The following OSBPL10 variants were observed in gnomAD, a reference collection of about 807,000 sequenced individuals.
OSBPL10 encodes oxysterol binding protein like 10, also known as oxysterol-binding protein-related protein 10.
A neutral mutation model predicts 81.7 loss-of-function variants in OSBPL10; 49 were observed. That is an observed-to-expected ratio of 0.60 (90% confidence interval 0.48 to 0.76). The LOEUF (loss-of-function observed/expected upper bound fraction) is 0.76. OSBPL10 is among the 30% of genes least tolerant of loss of function. The pLI, the probability that OSBPL10 is intolerant of heterozygous loss-of-function variation, is 0.00. For missense variants in OSBPL10, 923 were observed against 987.8 expected (o/e 0.93, Z 0.88); for synonymous variants, 419 against 383.6 (o/e 1.09, Z -1.08).
chr3:31,997,284 G>T (rs1240689421), intron 2 of OSBPL10, among the ~76,000 whole-genome samples: 8 of 151,062 alleles, frequency 5.3e-5, no homozygotes, highest in African/African-American at 1.9e-4. Context: ...TTTCAAGATG[G>T]AGTCTCGCCC....
intron 4 of OSBPL10, among the ~76,000 whole-genome samples, chr3:31,749,187 A>G (rs1697633367): frequency 6.6e-6 from 1 of 152,218 alleles, no homozygotes; most frequent in African/African-American, 2.4e-5. Context: ...CCATGATGTC[A>G]CCAGTGGGAA....
At chr3:31,772,427 CAA>C (rs1698408943) in intron 4 of OSBPL10, among the ~76,000 whole-genome samples, 1 of 152,192 alleles carries the variant, frequency 6.6e-6, no homozygotes, top group African/African-American at 2.4e-5. Context: ...GTGTTTCTCA[CAA>C]AGACTATAAT....
chr3:31,812,922 G>T (rs1464818250), intron 4 of OSBPL10, among the ~76,000 whole-genome samples: 1 of 151,976 alleles, frequency 6.6e-6, no homozygotes, highest in Non-Finnish European at 1.5e-5. Flanking sequence ...AATGATGTAG[G>T]TTCTATTTTT....
chr3:31,806,565 G>C (rs1412533317), intron 4 of OSBPL10, among the ~76,000 whole-genome samples: 1 of 152,220 alleles, frequency 6.6e-6, no homozygotes, highest in Non-Finnish European at 1.5e-5. Context: ...AGCAGAGCAA[G>C]TACCTGCTCC....
chr3:31,891,846 T>C (rs1695902423), intron 1 of OSBPL10, among the ~76,000 whole-genome samples: 1 of 152,186 alleles, frequency 6.6e-6, no homozygotes, highest in African/African-American at 2.4e-5. Flanking sequence ...CAACAATGTT[T>C]TGAAGAGGGT....
At chr3:31,802,114 C>T (rs1342205600) in intron 4 of OSBPL10, among the ~76,000 whole-genome samples, 1 of 151,524 alleles carries the variant, frequency 6.6e-6, no homozygotes, top group Non-Finnish European at 1.5e-5. Context: ...CGAGCCACTG[C>T]ACCCAGTCCG....
rs1696331199 is a variant in OSBPL10 at position 31,713,412 on chromosome 3, T to G, written c.1096-10904A>C. On this transcript the variant is annotated intron_variant, in intron 6 of 11. Transcript: ENST00000396556. ...TTTATTTTATTTATTTATATTTTAT[T>G]TTGTGACAGAGTCTCACTCTGTTGC... Among the ~76,000 whole-genome samples, 3 of 152,156 alleles carry G rather than the reference T, an allele frequency of 2.0e-5. No homozygotes were observed. In the South Asian group the frequency reaches 6.2e-4, roughly 32 times the overall value.
rs765814313 is a variant in OSBPL10 at position 31,830,190 on chromosome 3, TG to T, written c.578del (p.Pro193HisfsTer52). On this transcript the variant is annotated frameshift_variant, in exon 4 of 12. Coordinates refer to ENST00000396556, the MANE Select transcript of OSBPL10 (RefSeq NM_017784.5). LOFTEE classifies it high-confidence loss of function. Reference sequence around the variant, plus strand: ...GAGACGCAGAATTGGGTGTTCCATGTGGGAGCAAAGTGAGACTTCGGCTTCG... The same window carrying T: ...GAGACGCAGAATTGGGTGTTCCATGTGGAGCAAAGTGAGACTTCGGCTTCG... ...SSRSRSLTLL[P>X]HGTPNSASPC... 6.2e-7 allele frequency: 1 copy of T among 1,614,130 alleles called. No homozygotes were observed. Among genetic ancestry groups the T allele is most frequent in the South Asian group, 1.1e-5 (1 of 91,066 alleles).
intron 1 of OSBPL10, among the ~76,000 whole-genome samples, chr3:31,948,130 G>A (rs1485378380): frequency 6.6e-6 from 1 of 152,200 alleles, no homozygotes; most frequent in Non-Finnish European, 1.5e-5. Flanking sequence ...TGAAGTATTA[G>A]CAGCTAACTC....
At chr3:32,014,056 A>T (rs1312618879) in intron 2 of OSBPL10, among the ~76,000 whole-genome samples, 2 of 152,212 alleles carry the variant, frequency 1.3e-5, no homozygotes, top group African/African-American at 4.8e-5. Context: ...AACTATTCCA[A>T]TCAATAGAAA....
intron 4 of OSBPL10, among the ~76,000 whole-genome samples, chr3:31,772,657 G>C (rs981158045): frequency 6.6e-6 from 1 of 152,162 alleles, no homozygotes; most frequent in African/African-American, 2.4e-5. Flanking sequence ...TCCGCATGAA[G>C]CTGAAACAAG....
intron 6 of OSBPL10, among the ~76,000 whole-genome samples, chr3:31,725,184 G>C (rs1342327968): frequency 6.6e-6 from 1 of 152,200 alleles, no homozygotes; most frequent in African/African-American, 2.4e-5. Context: ...TATATAATAA[G>C]AGCTCAATAT....
At chr3:32,024,238 CA>C (rs201269238) in intron 2 of OSBPL10, among the ~76,000 whole-genome samples, 3,795 of 152,092 alleles carry the variant, frequency 0.025, 164 homozygotes, top group African/African-American at 0.087. Flanking sequence ...TCAATTGCTA[CA>C]AAAAAATAGC....
intron 2 of OSBPL10, chr3:31,989,388 GA>G: frequency 1.9e-6 from 3 of 1,614,166 alleles, no homozygotes; most frequent in Non-Finnish European, 1.7e-6. Context: ...TTTGCTTCCA[GA>G]AAATTGGGAA....
chr3:31,978,391 G>A (rs1698742027), intron 1 of OSBPL10, among the ~76,000 whole-genome samples: 1 of 152,212 alleles, frequency 6.6e-6, no homozygotes, highest in African/African-American at 2.4e-5. Context: ...CATAGTAGGT[G>A]CTCAATAAAA....
intron 2 of OSBPL10, among the ~76,000 whole-genome samples, chr3:31,986,846 AT>A (rs1698940191): frequency 6.6e-6 from 1 of 151,982 alleles, no homozygotes; most frequent in African/African-American, 2.4e-5. Context: ...CTCCAAAAAA[AT>A]TTTTAAAATA....
chr3:31,965,907 AAAAT>A (rs1261464464), intron 1 of OSBPL10, among the ~76,000 whole-genome samples: 1 of 111,980 alleles, frequency 8.9e-6, no homozygotes, highest in African/African-American at 3.5e-5. Context: ...TATATTATAT[AAAAT>A]AGATAATATA....
intron 7 of OSBPL10, among the ~76,000 whole-genome samples, chr3:31,698,573 G>A (rs866967683): frequency 5.3e-5 from 8 of 151,858 alleles, no homozygotes; most frequent in Non-Finnish European, 1.0e-4. Flanking sequence ...TATCCTAAAC[G>A]GCCCTATAAC....
At chr3:31,998,132 T>G (rs1232773186) in intron 2 of OSBPL10, among the ~76,000 whole-genome samples, 1 of 152,108 alleles carries the variant, frequency 6.6e-6, no homozygotes, top group Non-Finnish European at 1.5e-5. Context: ...CAGCACCCAC[T>G]TTGTGGTGCT....
Sources: gnomAD v4.1 joint callset for allele counts (sites outside exome capture counted in the v4.1 genomes callset) on GRCh38, gnomAD v4.1.1 for gene constraint, MANE v1.5 for transcripts, NCBI Gene and HGNC (gene_info 2026-07-23, HGNC 2026-07-21) for gene names.